Variants in HPSE2 observed in about 807,000 individuals in gnomAD.
HPSE2 encodes the protein inactive heparanase-2.
In HPSE2, 38 loss-of-function variants were observed where a neutral mutation model predicts 60.5. That is an observed-to-expected ratio of 0.63 (90% CI 0.48 to 0.82). The LOEUF is 0.82. Ranked by LOEUF, HPSE2 falls within the 40% of genes least tolerant of loss-of-function variation. HPSE2 has a pLI of 0.00. For missense variants in HPSE2, 713 were observed against 740.4 expected, an observed-to-expected ratio of 0.96 and a Z score of 0.43; for synonymous variants, 295 against 293.2, an observed-to-expected ratio of 1.01 and a Z score of -0.06.
chr10:98,884,855 G>C (rs1953123260), intron 3 of HPSE2, among the ~76,000 whole-genome samples: 1 of 152,128 alleles, frequency 6.6e-6, no homozygotes, highest in Non-Finnish European at 1.5e-5. Context: ...AAAGAGACTT[G>C]TGTTGTTTTT....
chr10:98,737,181 G>A (rs1949379835), intron 4 of HPSE2, among the ~76,000 whole-genome samples: 1 of 152,076 alleles, frequency 6.6e-6, no homozygotes, highest in African/African-American at 2.4e-5. Context: ...TTGACAATAT[G>A]TGTGAAGACT....
chr10:99,048,864 A>G (rs1341196301), intron 3 of HPSE2, among the ~76,000 whole-genome samples: 1 of 152,190 alleles, frequency 6.6e-6, no homozygotes, highest in African/African-American at 2.4e-5. Context: ...TAAAGAAAAT[A>G]TGGTACATAT....
intron 2 of HPSE2, among the ~76,000 whole-genome samples, chr10:99,201,576 A>T (rs1848576929): frequency 6.6e-6 from 1 of 152,176 alleles, no homozygotes; most frequent in Non-Finnish European, 1.5e-5. Flanking sequence ...TTTTTCAAGG[A>T]AAGTCTTTTA....
At chr10:98,820,920 C>A (rs1416392417) in intron 3 of HPSE2, among the ~76,000 whole-genome samples, 1 of 152,188 alleles carries the variant, frequency 6.6e-6, no homozygotes, top group African/African-American at 2.4e-5. Context: ...TCTGAGCAGA[C>A]TAACTTCTTA....
intron 9 of HPSE2, among the ~76,000 whole-genome samples, chr10:98,505,986 T>G (rs1217992871): frequency 2.0e-5 from 3 of 152,184 alleles, no homozygotes; most frequent in Non-Finnish European, 4.4e-5. Context: ...TAATCGTTAG[T>G]CTTTGCTCAG....
chr10:99,144,976 T>C (rs1986449), intron 2 of HPSE2, among the ~76,000 whole-genome samples: 77,477 of 152,042 alleles, frequency 0.51, 21,540 homozygotes, highest in East Asian at 0.66. Flanking sequence ...AATTCTGACT[T>C]AATAATCATT....
intron 3 of HPSE2, among the ~76,000 whole-genome samples, chr10:98,876,795 A>G (rs1365640580): frequency 1.3e-5 from 2 of 151,880 alleles, no homozygotes; most frequent in African/African-American, 4.8e-5. Flanking sequence ...TTGTTGCTAC[A>G]ATCTTAGCTG....
intron 9 of HPSE2, among the ~76,000 whole-genome samples, chr10:98,549,867 C>A (rs186870717): frequency 4.0e-4 from 61 of 152,320 alleles, no homozygotes; most frequent in Admixed American, 1.1e-3. Flanking sequence ...TGTCCTCAGT[C>A]TCCTTTTACC....
chr10:99,205,885 TA>T (rs1215716478), intron 2 of HPSE2, among the ~76,000 whole-genome samples: 1 of 152,204 alleles, frequency 6.6e-6, no homozygotes, highest in African/African-American at 2.4e-5. Flanking sequence ...GTCTCTCCAA[TA>T]AACTACATAT....
At chr10:99,172,091 T>C (rs1019734366) in intron 2 of HPSE2, among the ~76,000 whole-genome samples, 2 of 152,206 alleles carry the variant, frequency 1.3e-5, no homozygotes, top group African/African-American at 4.8e-5. Context: ...TACATGGATA[T>C]ATTGTGTGAT....
At chr10:98,766,628 A>C (rs1270178180) in intron 3 of HPSE2, among the ~76,000 whole-genome samples, 2 of 152,200 alleles carry the variant, frequency 1.3e-5, no homozygotes, top group African/African-American at 4.8e-5. Context: ...TTCAACATTC[A>C]AAATTAAATC....
chr10:98,748,086 G>C (rs947570882), intron 3 of HPSE2, among the ~76,000 whole-genome samples: 1 of 152,124 alleles, frequency 6.6e-6, no homozygotes, highest in Non-Finnish European at 1.5e-5. Context: ...ATCATCTGAA[G>C]TCAGGAGTTC....
At chr10:99,110,659 C>T (rs1844422932) in intron 3 of HPSE2, among the ~76,000 whole-genome samples, 1 of 152,012 alleles carries the variant, frequency 6.6e-6, no homozygotes, top group Non-Finnish European at 1.5e-5. Flanking sequence ...AAAAATACCA[C>T]TTTTATTAAT....
chr10:98,468,430 T>C (rs541120753), intron 11 of HPSE2, among the ~76,000 whole-genome samples: 81 of 152,248 alleles, frequency 5.3e-4, no homozygotes, highest in African/African-American at 1.7e-3. Context: ...TTTTCTTCTA[T>C]GTGCTTTTTG....
At chr10:98,981,258 C>T (rs1363531879) in intron 3 of HPSE2, among the ~76,000 whole-genome samples, 1 of 152,122 alleles carries the variant, frequency 6.6e-6, no homozygotes, top group Non-Finnish European at 1.5e-5. Flanking sequence ...TTCCTTTATG[C>T]TCTCCATCTG....
At chr10:99,278,987 C>A in the HPSE2 span, among the ~76,000 whole-genome samples, 1 of 152,080 alleles carries the variant, frequency 6.6e-6, no homozygotes, top group African/African-American at 2.4e-5. Context: ...TGTTTAGATT[C>A]TACACTTCAA....
chr10:98,570,842 C>A (rs1944474132), intron 9 of HPSE2, among the ~76,000 whole-genome samples: 1 of 152,102 alleles, frequency 6.6e-6, no homozygotes, highest in African/African-American at 2.4e-5. Context: ...ATGATTTATC[C>A]TGTCCAATTA....
At chr10:99,036,338 G>A (rs1957609283) in intron 3 of HPSE2, among the ~76,000 whole-genome samples, 1 of 152,162 alleles carries the variant, frequency 6.6e-6, no homozygotes, top group South Asian at 2.1e-4. Flanking sequence ...AGATGAGCCT[G>A]GAGCATCTTG....
intron 3 of HPSE2, among the ~76,000 whole-genome samples, chr10:99,007,437 C>T (rs975176557): frequency 2.0e-5 from 3 of 152,112 alleles, no homozygotes; most frequent in South Asian, 2.1e-4. Context: ...TCTTTCCTAC[C>T]CTCTTCAATG....
Sources: gnomAD v4.1 joint callset for allele counts (sites outside exome capture counted in the v4.1 genomes callset) on GRCh38, gnomAD v4.1.1 for gene constraint, MANE v1.5 for transcripts, NCBI Gene and HGNC (gene_info 2026-07-23, HGNC 2026-07-21) for gene names.